TMEM216: variants seen among roughly 807,000 people sequenced by gnomAD.
The protein encoded by TMEM216 is transmembrane protein 216.
In TMEM216, 15 loss-of-function variants were observed where a neutral mutation model predicts 17.8. That is an observed-to-expected ratio of 0.84 (90% confidence interval 0.56 to 1.30). The LOEUF is 1.30. Ranked by LOEUF, TMEM216 falls within the 50% of genes most tolerant of loss-of-function variation. TMEM216 has a pLI of 0.00. For synonymous variants in TMEM216, 58 were observed against 73.5 expected (o/e 0.79, Z 1.08); for missense variants, 160 against 175.7 (o/e 0.91, Z 0.51).
chr11:61,394,375 G>GTT (rs1458973355), intron 3 of TMEM216: 158 of 148,430 alleles, frequency 1.1e-3, no homozygotes, highest in African/African-American at 3.4e-3. Flanking sequence ...GGAGTTTTTT[G>GTT]TTTTTTTTTT....
Position 61,398,331 on chromosome 11 carries a change from G to A in TMEM216, c.*55G>A. 1 of 1,591,692 alleles carries A rather than the reference G, an allele frequency of 6.3e-7. No homozygotes were observed. The highest frequency in any genetic ancestry group is 8.6e-7 in the Non-Finnish European group (1 of 1,163,994). On this transcript the variant is annotated 3_prime_UTR_variant, in exon 5 of 5. Coordinates refer to ENST00000515837, the MANE Select transcript of TMEM216 (RefSeq NM_001173990.3). Reference sequence around the variant, plus strand: ...GGCTGACACCACACATATTGCTTCTGGTACTTTAGCCACACCAGTGAGAAT... The same window carrying A: ...GGCTGACACCACACATATTGCTTCTAGTACTTTAGCCACACCAGTGAGAAT...
In TMEM216 at chr11:61,393,894, A is replaced by G. The variant is rs2135191066; in HGVS notation, c.147A>G (p.Leu49=). ...LFIFLYKGVL[L]PYPTANLVLD... Reference sequence around the variant, plus strand: ...CTTTTGTATTGGCAGGTGTCCTGCTACCATATCCAACAGCTAACCTAGTAC... The same window carrying G: ...CTTTTGTATTGGCAGGTGTCCTGCTGCCATATCCAACAGCTAACCTAGTAC... The change falls in exon 3 of 5, where the codon CTA becomes CTG. Residue 49 remains leucine, a synonymous_variant. Coordinates refer to ENST00000515837, the MANE Select transcript of TMEM216 (RefSeq NM_001173990.3). The G allele has an allele frequency of 1.9e-6, 3 of 1,613,798 alleles. No homozygotes were observed. Among genetic ancestry groups the G allele is most frequent in the African/African-American group, 1.3e-5 (1 of 75,032 alleles).
chr11:61,392,826 G>A, intron 1 of TMEM216, 161 bp downstream of exon 1: 1 of 1,502,014 alleles, frequency 6.7e-7, no homozygotes, highest in Non-Finnish European at 8.9e-7. Context: ...CACCCTGGGT[G>A]CCTGAAGGTC....
intron 3 of TMEM216, among the ~76,000 whole-genome samples, chr11:61,396,027 T>A (rs1402252091): frequency 6.6e-6 from 1 of 151,546 alleles, no homozygotes; most frequent in African/African-American, 2.4e-5. Flanking sequence ...AAAACTAGAT[T>A]AAAAAAAAAT....
Position 61,393,690 on chromosome 11 carries a change from T to G in TMEM216, c.137-194T>G, listed in dbSNP as rs1051778471. The stretch of plus-strand genomic sequence containing the variant: ...TGGAGTCCCCAGAGACTTTTGGAGT[T>G]AGGAGTAAAACACCATAATAATGAG... On this transcript the variant is annotated intron_variant, in intron 2 of 4. Transcript: ENST00000515837. Among the ~76,000 whole-genome samples, 6 of 152,318 alleles carry G rather than the reference T, an allele frequency of 3.9e-5. No homozygotes were observed. The South Asian group carries it at 1.2e-3, about 32-fold the overall frequency.
At chr11:61,396,862 G>T (rs1196640049) in intron 3 of TMEM216, among the ~76,000 whole-genome samples, 2 of 151,046 alleles carry the variant, frequency 1.3e-5, no homozygotes, top group East Asian at 3.9e-4. Context: ...TCAGCCCAGG[G>T]GTTCGAGGCT....
rs144625385 is a variant in TMEM216 at position 61,397,050 on chromosome 11, T to G, written c.230-724T>G. On this transcript the variant is annotated intron_variant, in intron 3 of 4. Coordinates refer to ENST00000515837, the MANE Select transcript of TMEM216 (RefSeq NM_001173990.3). ...TTTTATAATAATAAATAGTAATATG[T>G]GAATATATACGTATAAAAAATCTGA... Among the ~76,000 whole-genome samples the G allele has an allele frequency of 1.9e-3, 284 of 152,166 alleles. 3 individuals are homozygous for G. Among genetic ancestry groups the G allele is most frequent in the Non-Finnish European group, 2.8e-3 (191 of 68,000 alleles).
chr11:61,398,011 G>T (rs1184816897), intron 4 of TMEM216, 36 bp downstream of exon 4: 1 of 1,610,114 alleles, frequency 6.2e-7, no homozygotes, highest in Non-Finnish European at 8.5e-7. Flanking sequence ...CATCACTAGA[G>T]GGTTGGGTTC....
chr11:61,392,695 G>C, intron 1 of TMEM216, 30 bp downstream of exon 1: 1 of 1,536,114 alleles, frequency 6.5e-7, no homozygotes, highest in South Asian at 1.2e-5. Context: ...TGAGTCGCTG[G>C]TCCCTTTCCC....
rs144613667 is a variant in TMEM216, at chr11:61,398,579, C to T, written c.*303C>T. 39 of 434,698 alleles carry T rather than the reference C, an allele frequency of 9.0e-5. 1 individual carries two copies. In the East Asian group the frequency reaches 1.2e-3, roughly 13 times the overall value. 26.9% of individuals were successfully genotyped at this position (434,698 alleles called of 1,614,324 possible). A position where few individuals can be genotyped will look rare whatever the true frequency, so the allele number is the denominator to read the frequency against. On this transcript the variant is annotated 3_prime_UTR_variant, in exon 5 of 5. Transcript: ENST00000515837. ...ACCTCAAGTTCTCCTCCTTGATCAC[C>T]GTGGCCAGAGCATCTCGTGTGGACC...
At position 61,398,555 on chromosome 11, in the gene TMEM216, C is replaced by T. The variant is rs893717925; in HGVS notation, c.*279C>T. On this transcript the variant is annotated 3_prime_UTR_variant, in exon 5 of 5. Coordinates refer to ENST00000515837, the MANE Select transcript of TMEM216 (RefSeq NM_001173990.3). Reference sequence around the variant, plus strand: ...CTTCTCAGAACCAGTCCCCTGCTGACCTCAAGTTCTCCTCCTTGATCACCG... The same window carrying T: ...CTTCTCAGAACCAGTCCCCTGCTGATCTCAAGTTCTCCTCCTTGATCACCG... The T allele has an allele frequency of 4.1e-6, 2 of 486,322 alleles. No individual in the cohort carries two copies. Among genetic ancestry groups the T allele is most frequent in the Non-Finnish European group, 7.3e-6 (2 of 273,258 alleles). 30.1% of individuals were successfully genotyped at this position (486,322 alleles called of 1,614,324 possible). A position where few individuals can be genotyped will look rare whatever the true frequency, so the allele number is the denominator to read the frequency against.
Position 61,392,620 on chromosome 11 carries a change from CTGTGGCAGCGTAT to C in TMEM216, c.-11_2del. 1.3e-6 allele frequency: 2 copies of C among 1,535,790 alleles called. No individual in the cohort carries two copies. Among genetic ancestry groups the C allele is most frequent in the Non-Finnish European group, 1.7e-6 (2 of 1,146,776 alleles). On this transcript the variant is annotated start_lost and 5_prime_UTR_variant, in exon 1 of 5. Coordinates refer to ENST00000515837, the MANE Select transcript of TMEM216 (RefSeq NM_001173990.3). ...CAGCGCCGCGCTGCTCCGGGAGCCG[CTGTGGCAGCGTAT>C]GCTGCCACGGGGACTGAAGATGGCG...
In TMEM216 at chr11:61,393,937, CT is replaced by C. The variant is rs1858737558; in HGVS notation, c.191del (p.Leu64ProfsTer8). The C allele has an allele frequency of 6.2e-7, 1 of 1,613,882 alleles. No homozygotes were observed. Among genetic ancestry groups the C allele is most frequent in the Non-Finnish European group, 8.5e-7 (1 of 1,179,898 alleles). On this transcript the variant is annotated frameshift_variant, in exon 3 of 5. Coordinates refer to ENST00000515837, the MANE Select transcript of TMEM216 (RefSeq NM_001173990.3). LOFTEE classifies it high-confidence loss of function. ...CCTAGTACTGGATGTGGTGATGCTCCTCCTTTATCTTGGAATTGAAGTAATT... is the reference window on the plus strand; with the variant it reads ...CCTAGTACTGGATGTGGTGATGCTCCCCTTTATCTTGGAATTGAAGTAATT... Reference protein sequence around the residue: ...ANLVLDVVMLLLYLGIEVIRL... With the variant: ...ANLVLDVVMLXLYLGIEVIRL...
intron 3 of TMEM216, 130 bp downstream of exon 3, chr11:61,394,106 T>G: frequency 1.2e-6 from 1 of 812,574 alleles, no homozygotes; most frequent in Non-Finnish European, 2.0e-6. Flanking sequence ...TTACTCCGTC[T>G]CTGAAGTTTC....
intron 3 of TMEM216, among the ~76,000 whole-genome samples, chr11:61,395,506 G>A (rs745968368): frequency 1.4e-4 from 22 of 152,052 alleles, no homozygotes; most frequent in African/African-American, 4.8e-4. Flanking sequence ...TTGGGAGGCC[G>A]AGGTGGGTGG....
At position 61,392,588 on chromosome 11, in the gene TMEM216, T is replaced by C; in HGVS notation, c.-44T>C. On this transcript the variant is annotated 5_prime_UTR_variant, in exon 1 of 5. Coordinates refer to ENST00000515837, the MANE Select transcript of TMEM216 (RefSeq NM_001173990.3). ...GGAAACCCAGGCCGCTTCGTCCCTG[T>C]TTCCGGCAGCGCCGCGCTGCTCCGG... The C allele has an allele frequency of 6.5e-7, 1 of 1,531,760 alleles. No homozygotes were observed. The allele number at this position is 1,531,760 out of a possible 1,614,324, so 94.9% of individuals were successfully genotyped here.
rs371254839 is a variant in TMEM216, at chr11:61,392,895, C to T, written c.34+230C>T. ...TGGCTGGGCCACTTCTAGGCTGGCT[C>T]AGGTGCGAATCTGTTGGTCTCTGCG... is the stretch of plus-strand genomic sequence containing the variant. On this transcript the variant is annotated intron_variant, in intron 1 of 4. Coordinates refer to ENST00000515837, the MANE Select transcript of TMEM216 (RefSeq NM_001173990.3). 194 of 985,276 alleles carry T rather than the reference C, an allele frequency of 2.0e-4. No homozygotes were observed. The African/African-American group carries it at 3.0e-3, about 15-fold the overall frequency. The allele number at this position is 985,276 out of a possible 1,614,324, so 61.0% of individuals were successfully genotyped here.
intron 1 of TMEM216, 200 bp from the exon 2 acceptor site, chr11:61,393,031 G>GATTC (rs1487389253): frequency 4.2e-6 from 2 of 477,728 alleles, no homozygotes; most frequent in Non-Finnish European, 5.5e-6. Context: ...GTTTCACGGT[G>GATTC]ATTCCTAGGA....
chr11:61,392,988 T>A, intron 1 of TMEM216: 1 of 683,262 alleles, frequency 1.5e-6, no homozygotes, highest in Non-Finnish European at 1.8e-6. Flanking sequence ...GCGAGTTACC[T>A]CTTGACTTTT....
Sources: allele counts gnomAD v4.1 joint callset (sites outside exome capture counted in the v4.1 genomes callset), GRCh38; gene constraint gnomAD v4.1.1; transcripts MANE v1.5; gene names NCBI Gene and HGNC (gene_info 2026-07-23, HGNC 2026-07-21).